RPS12: variants seen among roughly 807,000 people sequenced by gnomAD.
The protein encoded by RPS12 is ribosomal protein S12, also known as small ribosomal subunit protein eS12.
In RPS12, 1 loss-of-function variant was observed where a neutral mutation model predicts 17.2. The ratio of observed to expected loss-of-function variants is 0.06; its 90% CI spans 0.02 to 0.28. The LOEUF is 0.28. Among genes scored for constraint, RPS12 ranks in the 10% least tolerant of loss-of-function variants. The pLI is 1.00. For missense variants in RPS12, 146 were observed against 162.1 expected (o/e 0.90, Z 0.54); for synonymous variants, 67 against 54.0 (o/e 1.24, Z -1.06).
intron 1 of RPS12, 34 bp downstream of exon 1, chr6:132,814,647 G>A: frequency 7.6e-6 from 9 of 1,182,936 alleles, no homozygotes; most frequent in Non-Finnish European, 2.5e-6. Context: ...GGGTGTATTG[G>A]TTATAATTTG....
At position 132,814,598 on chromosome 6, in the gene RPS12, G is replaced by A; in HGVS notation, c.-53G>A. 4 of 827,198 alleles carry A rather than the reference G, an allele frequency of 4.8e-6. No individual in the cohort carries two copies. Among genetic ancestry groups the A allele is most frequent in the South Asian group, 4.2e-5 (3 of 71,460 alleles). 51.2% of individuals were successfully genotyped at this position (827,198 alleles called of 1,614,324 possible). ...TTCCCTGCCGCCGCCGAGTCGCGCGGAGGCGGAGGCTTGGGGTAAGTTGAG... is the reference window on the plus strand; with the variant it reads ...TTCCCTGCCGCCGCCGAGTCGCGCGAAGGCGGAGGCTTGGGGTAAGTTGAG... On this transcript the variant is annotated 5_prime_UTR_variant, in exon 1 of 6. Coordinates refer to ENST00000230050, the MANE Select transcript of RPS12 (RefSeq NM_001016.4).
At chr6:132,817,242 C>G (rs762933163) in intron 5 of RPS12, 181 bp downstream of exon 5, 1 of 772,584 alleles carries the variant, frequency 1.3e-6, no homozygotes. Flanking sequence ...AATCTGCTTA[C>G]CTGATTGTGT....
At chr6:132,815,811 T>C (rs781674391) in intron 3 of RPS12, 29 of 455,034 alleles carry the variant, frequency 6.4e-5, no homozygotes, top group South Asian at 4.5e-4. Context: ...TCATAACTGT[T>C]CCATTAATGC....
At chr6:132,814,827 G>A (rs772759849) in intron 2 of RPS12, 45 bp downstream of exon 2, 6 of 1,560,318 alleles carry the variant, frequency 3.8e-6, no homozygotes, top group Non-Finnish European at 5.3e-6. Context: ...GGGTGCGGCT[G>A]AGGCGTGGGG....
intron 2 of RPS12, 71 bp downstream of exon 2, chr6:132,814,853 C>G (rs1782006778): frequency 2.0e-6 from 3 of 1,491,832 alleles, no homozygotes; most frequent in East Asian, 2.3e-5. Context: ...GCTGGCGGAA[C>G]AGGACTGGGT....
chr6:132,815,110 C>T (rs1421347443), intron 3 of RPS12, 22 bp downstream of exon 3: 7 of 1,469,286 alleles, frequency 4.8e-6, no homozygotes, highest in South Asian at 1.1e-5. Context: ...AGTCTCAATA[C>T]TGTGGGTTCT....
intron 3 of RPS12, chr6:132,816,074 T>C (rs1782052505): frequency 5.4e-6 from 2 of 371,790 alleles, no homozygotes; most frequent in South Asian, 4.1e-5. Context: ...CCTCGGGTCA[T>C]CTGCCCCCCT....
rs1332968597 is a variant in RPS12 at position 132,815,895 on chromosome 6, T to G, written c.132-566T>G. 2.4e-5 allele frequency: 11 copies of G among 450,608 alleles called. 1 individual carries two copies. The highest frequency in any genetic ancestry group is 1.3e-4 in the South Asian group (8 of 63,868). 27.9% of individuals were successfully genotyped at this position (450,608 alleles called of 1,614,324 possible). On this transcript the variant is annotated intron_variant, in intron 3 of 5. Transcript: ENST00000230050. ...TCTTGCTCTGTCCCCCAGGCTGGAG[T>G]GCAGTGGCGCGATCTCATTGCAACC...
chr6:132,815,329 TC>T, intron 3 of RPS12: 1 of 691,358 alleles, frequency 1.4e-6, no homozygotes, highest in Admixed American at 1.8e-5. Context: ...ACTTTAATTG[TC>T]GGATACCCCT....
chr6:132,816,904 G>A (rs759661927), intron 4 of RPS12, 56 bp from the exon 5 acceptor site: 1 of 1,130,940 alleles, frequency 8.8e-7, no homozygotes, highest in South Asian at 1.2e-5. Flanking sequence ...TTTAATTTTG[G>A]TAGTGTTAAT....
At chr6:132,817,301 G>T in intron 5 of RPS12, 179 bp from the exon 6 acceptor site, 2 of 774,764 alleles carry the variant, frequency 2.6e-6, no homozygotes. Flanking sequence ...CATGTTACGA[G>T]CCTTAAGGAC....
chr6:132,814,613 G>A lies in RPS12; in HGVS notation c.-38G>A, dbSNP rs964023649. The A allele has an allele frequency of 8.7e-6, 8 of 924,656 alleles. No individual in the cohort carries two copies. Among genetic ancestry groups the A allele is most frequent in the African/African-American group, 6.5e-5 (4 of 61,422 alleles). The allele number at this position is 924,656 out of a possible 1,614,324, so 57.3% of individuals were successfully genotyped here. On this transcript the variant is annotated splice_region_variant and 5_prime_UTR_variant, in exon 1 of 6. In the 5' UTR this introduces an upstream ATG that the reference lacks. Coordinates refer to ENST00000230050, the MANE Select transcript of RPS12 (RefSeq NM_001016.4). ...GAGTCGCGCGGAGGCGGAGGCTTGG[G>A]GTAAGTTGAGCGAGGCGGCAGGGGG...
intron 3 of RPS12, 116 bp from the exon 4 acceptor site, chr6:132,816,345 T>C (rs1782061948): frequency 1.4e-6 from 1 of 720,592 alleles, no homozygotes; most frequent in South Asian, 1.6e-5. Flanking sequence ...ATGTGTTCAG[T>C]GGATTGGCTG....
intron 3 of RPS12, chr6:132,815,824 C>T (rs1782042033): frequency 2.3e-6 from 1 of 437,522 alleles, no homozygotes; most frequent in Non-Finnish European, 4.5e-6. Context: ...ATTAATGCCA[C>T]AGTCTTTTTT....
intron 3 of RPS12, chr6:132,816,178 C>T: frequency 2.0e-6 from 1 of 506,124 alleles, no homozygotes; most frequent in Non-Finnish European, 3.6e-6. Context: ...TACAAGAAAG[C>T]TATTATGGTT....
intron 2 of RPS12, 72 bp from the exon 3 acceptor site, chr6:132,814,900 A>T: frequency 7.1e-7 from 1 of 1,412,546 alleles, no homozygotes. Context: ...TTGTACACTT[A>T]GCTTTTGCTG....
In RPS12 at chr6:132,816,946, C is replaced by A; in HGVS notation, c.235-14C>A. 1 of 1,473,040 alleles carries A rather than the reference C, an allele frequency of 6.8e-7. No individual in the cohort carries two copies. The highest frequency in any genetic ancestry group is 9.5e-7 in the Non-Finnish European group (1 of 1,057,284). The allele number at this position is 1,473,040 out of a possible 1,614,324, so 91.2% of individuals were successfully genotyped here. On this transcript the variant is annotated splice_polypyrimidine_tract_variant and intron_variant, in intron 4 of 5. Transcript: ENST00000230050. Reference sequence around the variant, plus strand: ...TAATGTGATTTTTTTTTTTTTTAACCTTTCTCCCAATAGGTTGATGACAAC... The same window carrying A: ...TAATGTGATTTTTTTTTTTTTTAACATTTCTCCCAATAGGTTGATGACAAC...
In RPS12 at chr6:132,816,446, TA is replaced by T; in HGVS notation, c.132-13del. On this transcript the variant is annotated splice_polypyrimidine_tract_variant and intron_variant, in intron 3 of 5. Transcript: ENST00000230050. ...CTGAGTTTTAGCTCCATTTTCATTG[TA>T]ATTTGAATTTCAGGCGCCAAGCCCA... The T allele has an allele frequency of 6.3e-7, 1 of 1,588,614 alleles. No homozygotes were observed.
At chr6:132,817,140 C>G in intron 5 of RPS12, 79 bp downstream of exon 5, 1 of 950,354 alleles carries the variant, frequency 1.1e-6, no homozygotes, top group East Asian at 2.4e-5. Flanking sequence ...AGTTGAGGAT[C>G]TTATAAAAGG....
Sources: gnomAD v4.1 joint callset for allele counts on GRCh38, gnomAD v4.1.1 for gene constraint, MANE v1.5 for transcripts, NCBI Gene and HGNC (gene_info 2026-07-23, HGNC 2026-07-21) for gene names.